The following TOP2A variants were observed in gnomAD, a reference collection of about 807,000 sequenced individuals.
The protein encoded by TOP2A is DNA topoisomerase 2-alpha.
In TOP2A, 68 loss-of-function variants were observed where a neutral mutation model predicts 187.2. That is an observed-to-expected ratio of 0.36 (90% CI 0.30 to 0.44). The LOEUF (loss-of-function observed/expected upper bound fraction) is 0.44. Ranked by LOEUF, TOP2A falls within the 20% of genes least tolerant of loss-of-function variation. The pLI, the probability that TOP2A is intolerant of heterozygous loss-of-function variation, is 1.00. For synonymous variants in TOP2A, 542 were observed against 593.2 expected (o/e 0.91, Z 1.25); for missense variants, 1,196 against 1,808.7 (o/e 0.66, Z 6.14).
At position 40,406,502 on chromosome 17, in the gene TOP2A, C is replaced by T. The variant is rs772746814; in HGVS notation, c.1844-9G>A. On this transcript the variant is annotated splice_polypyrimidine_tract_variant and intron_variant, in intron 15 of 34. Transcript: ENST00000423485. ...TGTGCTGGTGCCCAAACCTATAAAA[C>T]CAAAAATACCAAGTTCCTTCATATA... The T allele has an allele frequency of 1.9e-6, 3 of 1,612,216 alleles. No homozygotes were observed. Among genetic ancestry groups the T allele is most frequent in the African/African-American group, 2.7e-5 (2 of 74,808 alleles).
intron 1 of TOP2A, 123 bp downstream of exon 1, chr17:40,417,648 A>G: frequency 1.3e-6 from 2 of 1,549,992 alleles, no homozygotes; most frequent in Non-Finnish European, 8.7e-7. Flanking sequence ...GGAATGGAGA[A>G]TATGGGCTCC....
chr17:40,392,559 C>T, intron 30 of TOP2A, 26 bp downstream of exon 30: 1 of 1,596,614 alleles, frequency 6.3e-7, no homozygotes, highest in Non-Finnish European at 8.5e-7. Flanking sequence ...TACAGTTTAT[C>T]TATAATGTTC....
Position 40,408,032 on chromosome 17 carries a change from C to G in TOP2A, c.1435G>C (p.Asp479His), listed in dbSNP as rs1432792353. 6.2e-7 allele frequency: 1 copy of G among 1,613,646 alleles called. No individual in the cohort carries two copies. The highest frequency in any genetic ancestry group is 1.1e-5 in the South Asian group (1 of 91,038). Residue 479 changes from aspartate (D) to histidine (H), a missense_variant, in exon 12 of 35, where the codon GAC (aspartate) becomes CAC (histidine). By Grantham distance (81) the Asp-to-His change is moderately conservative. This residue lies in a region of TOP2A where 252 missense variants were observed against 434.8 expected (regional missense o/e 0.58). Coordinates refer to ENST00000423485, the MANE Select transcript of TOP2A (RefSeq NM_001067.4). ...CTAAGAGGGAAAACCCCATATTTGT[C>G]TCTCCCAACCACACCAAGGCCTGAA... is the stretch of plus-strand genomic sequence containing the variant. ...AVSGLGVVGR[D>H]KYGVFPLRGK...
Position 40,411,374 on chromosome 17 carries a change from C to T in TOP2A, c.1045G>A (p.Val349Ile). 6.2e-7 allele frequency: 1 copy of T among 1,613,794 alleles called. No homozygotes were observed. The highest frequency in any genetic ancestry group is 1.1e-5 in the South Asian group (1 of 91,078). Reference sequence around the variant, plus strand: ...CATACCTGATGTGCTTTTACTGCAACACCACCCTTGTTCTTCTTCTTCACA... The same window carrying T: ...CATACCTGATGTGCTTTTACTGCAATACCACCCTTGTTCTTCTTCTTCACA... ...DVVKKKNKGG[V>I]AVKAHQVKNH... Residue 349 changes from valine (V) to isoleucine (I), a missense_variant, in exon 9 of 35, where the codon GTT becomes ATT. Around this residue, in one of 10 missense-constraint regions of TOP2A, gnomAD observed 252 missense variants for 434.8 expected, o/e 0.58. Transcript: ENST00000423485. This position sits in a 1 kb window ranked among gnomAD's most constrained non-coding sequence, Gnocchi z 4.4.
chr17:40,401,895 A>G (rs1020264976), intron 20 of TOP2A, among the ~76,000 whole-genome samples: 1 of 152,160 alleles, frequency 6.6e-6, no homozygotes, highest in Non-Finnish European at 1.5e-5. Flanking sequence ...GAATCAAAAG[A>G]CATGGAAGGT....
At chr17:40,416,591 A>C (rs2035393368) in intron 2 of TOP2A, 79 bp from the exon 3 acceptor site, 1 of 1,419,976 alleles carries the variant, frequency 7.0e-7, no homozygotes, top group Admixed American at 1.8e-5. Context: ...TAAAGTGTTC[A>C]TATTAAGTAT....
chr17:40,414,464 A>G (rs2035365294), intron 4 of TOP2A, among the ~76,000 whole-genome samples: 1 of 152,178 alleles, frequency 6.6e-6, no homozygotes, highest in South Asian at 2.1e-4. Flanking sequence ...GGCCTCCCAA[A>G]GTGCTGGGAT....
At chr17:40,400,713 C>T (rs761622847) in intron 21 of TOP2A, 50 bp from the exon 22 acceptor site, 53 of 1,560,568 alleles carry the variant, frequency 3.4e-5, no homozygotes, top group South Asian at 3.2e-4. Context: ...TGATACTAGA[C>T]GGAAATCACA....
At position 40,408,118 on chromosome 17, in the gene TOP2A, C is replaced by T. The variant is rs746765101; in HGVS notation, c.1349G>A (p.Arg450Gln). ...GATAAGCGTACACTCAGTGGAGTTT[C>T]GGCCCCCTAAAATAAAAATATACAT... is the stretch of plus-strand genomic sequence containing the variant. ...KLDDANDAGG[R>Q]NSTECTLILT... The change falls in exon 12 of 35, where the codon CGA becomes CAA. Residue 450 changes from arginine (R) to glutamine (Q), a missense_variant. By Grantham distance (43) the Arg-to-Gln change is conservative (BLOSUM62 1). This residue lies in a region of TOP2A where 252 missense variants were observed against 434.8 expected (regional missense o/e 0.58). Coordinates refer to ENST00000423485, the MANE Select transcript of TOP2A (RefSeq NM_001067.4). 7 of 1,591,964 alleles carry T rather than the reference C, an allele frequency of 4.4e-6. No individual in the cohort carries two copies. Among genetic ancestry groups the T allele is most frequent in the Admixed American group, 1.8e-5 (1 of 54,376 alleles).
chr17:40,409,372 T>G, intron 10 of TOP2A: 1 of 411,222 alleles, frequency 2.4e-6, no homozygotes, highest in Non-Finnish European at 4.7e-6. Context: ...AGAAGCTGTC[T>G]CCAAAAAAAA....
intron 33 of TOP2A, among the ~76,000 whole-genome samples, chr17:40,390,913 C>A (rs1004690996): frequency 1.3e-5 from 2 of 152,228 alleles, no homozygotes; most frequent in African/African-American, 4.8e-5. Context: ...GCATGAGCCA[C>A]TGCACCCAGC....
intron 1 of TOP2A, among the ~76,000 whole-genome samples, 199 bp from the exon 2 acceptor site, chr17:40,417,094 GAC>G (rs2035399433): frequency 6.6e-6 from 1 of 152,104 alleles, no homozygotes; most frequent in Non-Finnish European, 1.5e-5. Context: ...AGGTTAAACA[GAC>G]ACATATTATC....
rs1464982492 is a variant in TOP2A, at chr17:40,411,085, T to A, written c.1203+24A>T. ...GGAAAATAAAGTCAGGTGTTTCTAT[T>A]TTTATTTTCCTCTAAGTACTCACAG... On this transcript the variant is annotated intron_variant, in intron 10 of 34. Transcript: ENST00000423485. This position sits in a 1 kb window ranked among gnomAD's most constrained non-coding sequence, Gnocchi z 4.4. 2 of 1,571,096 alleles carry A rather than the reference T, an allele frequency of 1.3e-6. No homozygotes were observed. Among genetic ancestry groups the A allele is most frequent in the Middle Eastern group, 1.8e-4 (1 of 5,714 alleles).
At chr17:40,392,379 T>C (rs1327179902) in intron 30 of TOP2A, 38 bp from the exon 31 acceptor site, 12 of 1,559,670 alleles carry the variant, frequency 7.7e-6, no homozygotes, top group Non-Finnish European at 9.6e-6. Flanking sequence ...TCAAAGAGGG[T>C]AGTAGGAGAA....
At position 40,411,368 on chromosome 17, in the gene TOP2A, C is replaced by T; in HGVS notation, c.1051G>A (p.Val351Ile). 2 of 1,613,794 alleles carry T rather than the reference C, an allele frequency of 1.2e-6. No homozygotes were observed. Among genetic ancestry groups the T allele is most frequent in the South Asian group, 1.1e-5 (1 of 91,086 alleles). ...AAAGCACATACCTGATGTGCTTTTACTGCAACACCACCCTTGTTCTTCTTC... is the reference window on the plus strand; with the variant it reads ...AAAGCACATACCTGATGTGCTTTTATTGCAACACCACCCTTGTTCTTCTTC... ...VKKKNKGGVA[V>I]KAHQVKNHMW... is the part of the protein sequence containing the mutation. The change falls in exon 9 of 35, where the codon GTA (valine) becomes ATA (isoleucine). Residue 351 changes from valine (V) to isoleucine (I), a missense_variant. By Grantham distance (29) the Val-to-Ile change is conservative. This residue lies in a region of TOP2A where 252 missense variants were observed against 434.8 expected (regional missense o/e 0.58). Coordinates refer to ENST00000423485, the MANE Select transcript of TOP2A (RefSeq NM_001067.4). The surrounding 1 kb of genome is among the most constrained non-coding windows in gnomAD (Gnocchi z 4.4).
intron 10 of TOP2A, chr17:40,410,746 G>C (rs2035310920): frequency 2.3e-6 from 1 of 425,830 alleles, no homozygotes. Context: ...TTGTTTTTTT[G>C]TTGGAGAGTG....
chr17:40,416,703 C>G lies in TOP2A; in HGVS notation c.177+37G>C, dbSNP rs771202399. ...ACAGAAAGAAGAGTATCCATTTCAACTACTAGGTTAACTGCCTTTGATGAG... is the reference window on the plus strand; with the variant it reads ...ACAGAAAGAAGAGTATCCATTTCAAGTACTAGGTTAACTGCCTTTGATGAG... On this transcript the variant is annotated intron_variant, in intron 2 of 34. Transcript: ENST00000423485. 2.5e-6 allele frequency: 4 copies of G among 1,596,014 alleles called. No homozygotes were observed. In the African/African-American group the frequency reaches 5.4e-5, roughly 22 times the overall value.
intron 29 of TOP2A, 110 bp downstream of exon 29, chr17:40,395,339 C>A: frequency 4.4e-5 from 17 of 385,998 alleles, no homozygotes; most frequent in Non-Finnish European, 5.5e-5. Context: ...AGTCCTCTTT[C>A]ACGTTTCTCA....
At chr17:40,397,837 G>A (rs2143639466) in intron 27 of TOP2A, among the ~76,000 whole-genome samples, 1 of 148,026 alleles carries the variant, frequency 6.8e-6, no homozygotes, top group East Asian at 2.0e-4. Context: ...GGAGTGCAAT[G>A]GTGTGATCTT....
Sources: allele counts gnomAD v4.1 joint callset (sites outside exome capture counted in the v4.1 genomes callset), GRCh38; gene constraint gnomAD v4.1.1; regional missense constraint gnomAD v4.1.1; non-coding constraint Gnocchi (gnomAD v3.1); transcripts MANE v1.5; gene names NCBI Gene and HGNC (gene_info 2026-07-23, HGNC 2026-07-21).